The following GPM6A variants were observed in gnomAD, a reference collection of about 807,000 sequenced individuals.
GPM6A encodes the protein neuronal membrane glycoprotein M6-a.
GPM6A carries 7 observed loss-of-function variants against 32.1 expected under a neutral mutation model. The ratio of observed to expected loss-of-function variants is 0.22; its 90% CI spans 0.12 to 0.41. The LOEUF (loss-of-function observed/expected upper bound fraction) is 0.41, where lower values mean the gene tolerates loss of function less well. Ranked by LOEUF, GPM6A falls within the 10% of genes least tolerant of loss-of-function variation. GPM6A has a pLI of 1.00. For missense variants in GPM6A, 235 were observed against 347.2 expected, an observed-to-expected ratio of 0.68 and a Z score of 2.57; for synonymous variants, 130 against 123.4, an observed-to-expected ratio of 1.05 and a Z score of -0.35.
At chr4:175,791,194 A>C (rs1047887726) in intron 1 of GPM6A, among the ~76,000 whole-genome samples, 1 of 152,216 alleles carries the variant, frequency 6.6e-6, no homozygotes, top group African/African-American at 2.4e-5. Context: ...ATCAGATGGC[A>C]GATGGGCTTT....
intron 1 of GPM6A, among the ~76,000 whole-genome samples, chr4:175,753,583 C>T (rs751744614): frequency 1.3e-5 from 2 of 152,118 alleles, no homozygotes; most frequent in Non-Finnish European, 2.9e-5. Flanking sequence ...AGTTATCACC[C>T]TCCCTTCACT....
In GPM6A at chr4:175,735,705, G is replaced by A. The variant is rs375770640; in HGVS notation, c.38-33938C>T. On this transcript the variant is annotated intron_variant, in intron 1 of 6. Transcript: ENST00000393658. Reference sequence around the variant, plus strand: ...CTCCTGAGTAGCTGGGATTACAGGCGTGTGCCACCACGCCCAGCTAATTTT... The same window carrying A: ...CTCCTGAGTAGCTGGGATTACAGGCATGTGCCACCACGCCCAGCTAATTTT... Among the ~76,000 whole-genome samples, 118 of 152,080 alleles carry A rather than the reference G, an allele frequency of 7.8e-4. 1 individual carries two copies. The highest frequency in any genetic ancestry group is 2.5e-3 in the African/African-American group (104 of 41,486).
At chr4:175,973,312 C>T (rs1198971959) in intron 1 of GPM6A, among the ~76,000 whole-genome samples, 4 of 152,280 alleles carry the variant, frequency 2.6e-5, no homozygotes, top group East Asian at 3.9e-4. Flanking sequence ...AATTATTTAG[C>T]TTTTTATCTA....
chr4:175,839,453 G>T (rs1289642865), intron 1 of GPM6A, among the ~76,000 whole-genome samples: 2 of 152,050 alleles, frequency 1.3e-5, no homozygotes, highest in Non-Finnish European at 2.9e-5. Context: ...AAATAGTTTG[G>T]ACTTCACCAA....
intron 2 of GPM6A, among the ~76,000 whole-genome samples, chr4:175,698,769 T>A (rs1416103256): frequency 6.6e-6 from 1 of 152,170 alleles, no homozygotes; most frequent in Non-Finnish European, 1.5e-5. Flanking sequence ...ATGGTATTCT[T>A]CCCATTCCAA....
chr4:175,865,468 C>A lies in GPM6A; in HGVS notation c.-22-53219G>T, dbSNP rs141447232. Among the ~76,000 whole-genome samples the A allele has an allele frequency of 5.0e-3, 754 of 152,266 alleles. 9 individuals are homozygous for A. The highest frequency in any genetic ancestry group is 0.017 in the African/African-American group (712 of 41,566). On this transcript the variant is annotated intron_variant, in intron 1 of 7. Coordinates refer to the GPM6A transcript ENST00000280187. ...GAGTTAGAATATTTCTACAAAAAATCTGAGTGGGTTCTTGATTGGTATTTC... is the reference window on the plus strand; with the variant it reads ...GAGTTAGAATATTTCTACAAAAAATATGAGTGGGTTCTTGATTGGTATTTC...
intron 1 of GPM6A, among the ~76,000 whole-genome samples, chr4:175,871,172 C>G (rs1198555698): frequency 6.6e-6 from 1 of 151,904 alleles, no homozygotes; most frequent in African/African-American, 2.4e-5. Flanking sequence ...TTTTTGTCTT[C>G]AAAAGAATTC....
At chr4:175,805,502 T>C (rs1472949383) in intron 1 of GPM6A, among the ~76,000 whole-genome samples, 2 of 152,226 alleles carry the variant, frequency 1.3e-5, no homozygotes, top group African/African-American at 2.4e-5. Flanking sequence ...GAACAATCTC[T>C]TTTATGTTTC....
At chr4:175,656,206 T>C (rs1470962811) in intron 3 of GPM6A, among the ~76,000 whole-genome samples, 1 of 152,136 alleles carries the variant, frequency 6.6e-6, no homozygotes, top group Non-Finnish European at 1.5e-5. Context: ...TTAATTTGAA[T>C]TAGTTAATTC....
intron 4 of GPM6A, among the ~76,000 whole-genome samples, chr4:175,648,292 A>G (rs1332970245): frequency 1.3e-5 from 2 of 152,130 alleles, no homozygotes; most frequent in East Asian, 3.9e-4. Context: ...TGCAGTAGGC[A>G]AAAAATAGCC....
chr4:175,644,608 T>TGG (rs2110896862), intron 4 of GPM6A, among the ~76,000 whole-genome samples: 1 of 152,200 alleles, frequency 6.6e-6, no homozygotes, highest in South Asian at 2.1e-4. Flanking sequence ...AGTGTAAATT[T>TGG]GAAAACCTGA....
intron 1 of GPM6A, among the ~76,000 whole-genome samples, chr4:175,771,293 C>T (rs1295258735): frequency 1.3e-5 from 2 of 152,130 alleles, no homozygotes; most frequent in Non-Finnish European, 2.9e-5. Flanking sequence ...ATTTTCATGG[C>T]CAGGCGCGGT....
intron 1 of GPM6A, among the ~76,000 whole-genome samples, chr4:175,991,153 C>A (rs1741128546): frequency 6.6e-6 from 1 of 150,694 alleles, no homozygotes. Flanking sequence ...GCAACTTCTG[C>A]CTCCTGGGTT....
At chr4:175,781,748 C>T (rs1293602441) in intron 1 of GPM6A, among the ~76,000 whole-genome samples, 1 of 152,112 alleles carries the variant, frequency 6.6e-6, no homozygotes, top group Non-Finnish European at 1.5e-5. Context: ...TTTGGGTGTG[C>T]TATATAACAT....
intron 1 of GPM6A, among the ~76,000 whole-genome samples, chr4:175,771,603 A>G (rs1225155374): frequency 6.6e-6 from 1 of 152,066 alleles, no homozygotes; most frequent in East Asian, 1.9e-4. Flanking sequence ...TGATGTTTAG[A>G]AGACGTAAAA....
At chr4:175,866,640 T>C (rs1207690987) in intron 1 of GPM6A, among the ~76,000 whole-genome samples, 6 of 152,218 alleles carry the variant, frequency 3.9e-5, no homozygotes. Context: ...TGTCTGGATG[T>C]ACCAGGTTTG....
intron 1 of GPM6A, among the ~76,000 whole-genome samples, chr4:175,923,213 AT>A (rs1270599280): frequency 4.1e-5 from 1 of 24,598 alleles, no homozygotes; most frequent in Non-Finnish European, 9.9e-5. Context: ...TCATAACATG[AT>A]TTATATATAT....
At chr4:175,816,549 A>T (rs535603838), upstream of GPM6A, among the ~76,000 whole-genome samples, 1 of 152,320 alleles carries the variant, frequency 6.6e-6, no homozygotes, top group South Asian at 2.1e-4. Flanking sequence ...GTGGTTCCAA[A>T]TATCGCATTA....
At chr4:175,830,186 G>A (rs1735565798) in intron 1 of GPM6A, among the ~76,000 whole-genome samples, 1 of 152,112 alleles carries the variant, frequency 6.6e-6, no homozygotes, top group Admixed American at 6.6e-5. Flanking sequence ...GGTGATGGTT[G>A]AGCTGGTCAT....
Sources: allele counts gnomAD v4.1 joint callset (sites outside exome capture counted in the v4.1 genomes callset), GRCh38; gene constraint gnomAD v4.1.1; transcripts MANE v1.5; gene names NCBI Gene and HGNC (gene_info 2026-07-23, HGNC 2026-07-21).